AFF3: variants seen among roughly 807,000 people sequenced by gnomAD.
AFF3 encodes ALF transcription elongation factor 3.
In AFF3, 32 loss-of-function variants were observed where a neutral mutation model predicts 129.7. The observed-to-expected ratio is 0.25, with a 90% CI of 0.19 to 0.33. The LOEUF is 0.33. Ranked by LOEUF, AFF3 falls within the 10% of genes least tolerant of loss-of-function variation. AFF3 has a pLI of 1.00. For missense variants in AFF3, 1,373 were observed against 1,592.0 expected (o/e 0.86, Z 2.34); for synonymous variants, 644 against 635.4 (o/e 1.01, Z -0.20).
intron 4 of AFF3, among the ~76,000 whole-genome samples, chr2:100,081,681 T>C (rs1689061199): frequency 6.6e-6 from 1 of 152,228 alleles, no homozygotes; most frequent in African/African-American, 2.4e-5. Flanking sequence ...CCCTTCACAC[T>C]TTCTGACACA....
intron 8 of AFF3, among the ~76,000 whole-genome samples, chr2:99,801,953 T>A (rs1685974796): frequency 6.6e-6 from 1 of 152,216 alleles, no homozygotes; most frequent in African/African-American, 2.4e-5. Flanking sequence ...CATATGCAGG[T>A]TTTTACATGT....
intron 13 of AFF3, among the ~76,000 whole-genome samples, chr2:99,633,909 C>CTTTTTTTTT (rs139661861): frequency 4.3e-5 from 5 of 116,422 alleles, no homozygotes; most frequent in African/African-American, 1.8e-4. Context: ...TTCTTCCTTC[C>CTTTTTTTTT]TTTTTTTTTT....
At chr2:100,063,013 G>A (rs1024337055) in intron 4 of AFF3, among the ~76,000 whole-genome samples, 6 of 152,056 alleles carry the variant, frequency 3.9e-5, no homozygotes, top group Admixed American at 2.6e-4. Flanking sequence ...CACTTTGGGA[G>A]GCCAAGGCGG....
At chr2:99,758,899 C>A (rs554147465) in intron 8 of AFF3, among the ~76,000 whole-genome samples, 6 of 152,182 alleles carry the variant, frequency 3.9e-5, no homozygotes, top group African/African-American at 2.4e-5. Context: ...AGAATCCTCA[C>A]CCTAGTACTC....
chr2:99,657,403 G>T (rs1210141371), intron 12 of AFF3, among the ~76,000 whole-genome samples: 1 of 152,162 alleles, frequency 6.6e-6, no homozygotes, highest in East Asian at 1.9e-4. Context: ...TTTTTGGGGA[G>T]TATGCCGTCT....
At chr2:99,604,380 C>T (rs1048450291) in intron 13 of AFF3, among the ~76,000 whole-genome samples, 1 of 152,052 alleles carries the variant, frequency 6.6e-6, no homozygotes, top group Non-Finnish European at 1.5e-5. Flanking sequence ...GAAGAGAAAA[C>T]CAAATGCCAC....
At chr2:99,606,852 T>TGCAGTGA (rs1680398208) in intron 13 of AFF3, among the ~76,000 whole-genome samples, 1 of 138,880 alleles carries the variant, frequency 7.2e-6, no homozygotes, top group Non-Finnish European at 1.5e-5. Flanking sequence ...AGGCGGAGCT[T>TGCAGTGA]GCAGTGAGCT....
intron 13 of AFF3, among the ~76,000 whole-genome samples, chr2:99,633,233 G>A (rs115359618): frequency 7.2e-5 from 11 of 152,080 alleles, no homozygotes; most frequent in Admixed American, 2.0e-4. Flanking sequence ...ATCAGGCACC[G>A]TACACGTGCC....
chr2:100,105,208 C>T (rs2105506118), intron 3 of AFF3: 1 of 747,888 alleles, frequency 1.3e-6, no homozygotes, highest in African/African-American at 1.9e-5. Context: ...TCCCGCGGCC[C>T]AGAATCCACT....
At chr2:99,717,635 C>T (rs1363262958) in intron 11 of AFF3, among the ~76,000 whole-genome samples, 2 of 152,124 alleles carry the variant, frequency 1.3e-5, no homozygotes, top group South Asian at 2.1e-4. Flanking sequence ...GTCAGATACA[C>T]GTATTGCGAA....
At chr2:100,070,805 G>T (rs1290773688) in intron 4 of AFF3, among the ~76,000 whole-genome samples, 2 of 152,120 alleles carry the variant, frequency 1.3e-5, no homozygotes, top group Non-Finnish European at 2.9e-5. Context: ...ACCAAGATCT[G>T]TTGAATGAAG....
rs1298503439 is a variant in AFF3 at position 99,547,530 on chromosome 2, T to A, written c.*3944A>T. 1 of 205,182 alleles carries A rather than the reference T, an allele frequency of 4.9e-6. No homozygotes were observed. The highest frequency in any genetic ancestry group is 7.5e-5 in the East Asian group (1 of 13,410). 12.7% of individuals were successfully genotyped at this position (205,182 alleles called of 1,614,324 possible). ...TTTTTGGTGATGCAGATTTCAACAG[T>A]AACTCTGGAAAACTGTGAAAAATGT... On this transcript the variant is annotated 3_prime_UTR_variant, in exon 25 of 25. Transcript: ENST00000672756.
At chr2:100,117,046 T>C (rs998196953) in intron 2 of AFF3, among the ~76,000 whole-genome samples, 1 of 152,180 alleles carries the variant, frequency 6.6e-6, no homozygotes, top group Non-Finnish European at 1.5e-5. Context: ...TTTTCCTCTG[T>C]CTGCTTTTAA....
At chr2:99,838,992 A>G (rs1689105653) in intron 7 of AFF3, among the ~76,000 whole-genome samples, 1 of 147,262 alleles carries the variant, frequency 6.8e-6, no homozygotes, top group Non-Finnish European at 1.5e-5. Flanking sequence ...GGTCACACAC[A>G]TGATTGAGAC....
At chr2:99,746,174 A>ATG (rs1681140485) in intron 9 of AFF3, among the ~76,000 whole-genome samples, 1 of 151,676 alleles carries the variant, frequency 6.6e-6, no homozygotes, top group Non-Finnish European at 1.5e-5. Flanking sequence ...GTGAATAGGA[A>ATG]TGTAAAAAAA....
At chr2:99,734,444 G>A (rs893175023) in intron 10 of AFF3, among the ~76,000 whole-genome samples, 4 of 151,880 alleles carry the variant, frequency 2.6e-5, no homozygotes, top group Admixed American at 6.6e-5. Context: ...CTCATGTCTT[G>A]TTCCTCATCT....
intron 20 of AFF3, among the ~76,000 whole-genome samples, chr2:99,562,237 T>G (rs1162279124): frequency 1.3e-5 from 2 of 152,236 alleles, no homozygotes; most frequent in Non-Finnish European, 2.9e-5. Flanking sequence ...CCATTATTTC[T>G]TCAAATACTC....
At chr2:99,929,770 A>G (rs955159333) in intron 7 of AFF3, among the ~76,000 whole-genome samples, 1 of 152,224 alleles carries the variant, frequency 6.6e-6, no homozygotes, top group Non-Finnish European at 1.5e-5. Flanking sequence ...TACAACCAAA[A>G]GAGCTTTAAA....
chr2:99,983,794 A>G (rs1359523461), intron 7 of AFF3, among the ~76,000 whole-genome samples: 2 of 152,228 alleles, frequency 1.3e-5, no homozygotes, highest in Non-Finnish European at 2.9e-5. Context: ...CTGTCAGGGA[A>G]GCAGTTTTCA....
Sources: gnomAD v4.1 joint callset for allele counts (sites outside exome capture counted in the v4.1 genomes callset) on GRCh38, gnomAD v4.1.1 for gene constraint, MANE v1.5 for transcripts, NCBI Gene and HGNC (gene_info 2026-07-23, HGNC 2026-07-21) for gene names.